Variants in SAMD8 observed in about 807,000 individuals in gnomAD.
SAMD8 encodes sphingomyelin synthase-related protein 1.
A neutral mutation model predicts 42.0 loss-of-function variants in SAMD8; 20 were observed. The observed-to-expected ratio is 0.48, with a 90% CI of 0.34 to 0.69. SAMD8 has a LOEUF of 0.69. Ranked by LOEUF, SAMD8 falls within the 30% of genes least tolerant of loss-of-function variation. The probability of loss-of-function intolerance (pLI) is 0.01; values close to 1 mark genes in which losing one functional copy is unlikely to be tolerated. For synonymous variants in SAMD8, 162 were observed against 173.0 expected, an observed-to-expected ratio of 0.94 and a Z score of 0.50; for missense variants, 328 against 511.6, an observed-to-expected ratio of 0.64 and a Z score of 3.46.
At chr10:75,129,893 CAA>C (rs1355062381) in intron 1 of SAMD8, among the ~76,000 whole-genome samples, 3 of 152,098 alleles carry the variant, frequency 2.0e-5, no homozygotes, top group African/African-American at 7.2e-5. Context: ...TAAAAAGAAA[CAA>C]GAGCTAGGGC....
chr10:75,108,952 C>CCAAG, upstream of SAMD8: 1 of 1,543,690 alleles, frequency 6.5e-7, no homozygotes, highest in Non-Finnish European at 8.8e-7. Flanking sequence ...GGTAAAGCGA[C>CCAAG]CAAGAACTGC....
intron 1 of SAMD8, among the ~76,000 whole-genome samples, chr10:75,128,705 T>A (rs943110145): frequency 6.6e-6 from 1 of 152,296 alleles, no homozygotes; most frequent in African/African-American, 2.4e-5. Context: ...TTGTGGTTAC[T>A]ATGGGTGGTC....
chr10:75,119,632 G>A lies in SAMD8; in HGVS notation c.-16+7910G>A, dbSNP rs193195585. On this transcript the variant is annotated intron_variant, in intron 1 of 5. Transcript: ENST00000542569. The stretch of plus-strand genomic sequence containing the variant: ...TTTCTGCACACACATGCACACACAC[G>A]TGCGCACACGTGAGAAGTGAAACTA... Among the ~76,000 whole-genome samples, 17 of 152,238 alleles carry A rather than the reference G, an allele frequency of 1.1e-4. No individual in the cohort carries two copies. In the East Asian group the frequency reaches 1.5e-3, roughly 14 times the overall value.
intron 1 of SAMD8, among the ~76,000 whole-genome samples, chr10:75,146,314 C>T (rs775317081): frequency 1.9e-5 from 2 of 107,792 alleles, no homozygotes; most frequent in South Asian, 3.2e-4. Context: ...GACAGAGTTT[C>T]GCTCTTGTTG....
At chr10:75,159,687 A>C (rs984416638) in intron 2 of SAMD8, among the ~76,000 whole-genome samples, 1 of 152,032 alleles carries the variant, frequency 6.6e-6, no homozygotes, top group African/African-American at 2.4e-5. Context: ...CTTTGCCCTA[A>C]TTGGGACGAC....
intron 3 of SAMD8, among the ~76,000 whole-genome samples, chr10:75,168,205 C>A (rs1840738593): frequency 6.6e-6 from 1 of 152,060 alleles, no homozygotes; most frequent in African/African-American, 2.4e-5. Context: ...CTCTTAGAAT[C>A]TAATTTAGGT....
chr10:75,164,515 T>A, intron 2 of SAMD8, 130 bp from the exon 3 acceptor site: 1 of 1,407,104 alleles, frequency 7.1e-7, no homozygotes, highest in South Asian at 1.7e-5. Flanking sequence ...TCTCCAAATA[T>A]CATTTTCTGT....
intron 1 of SAMD8, among the ~76,000 whole-genome samples, chr10:75,106,153 G>GCT (rs1426062395): frequency 1.4e-5 from 2 of 146,738 alleles, no homozygotes; most frequent in African/African-American, 5.1e-5. Context: ...TGTTGCCCAG[G>GCT]CTGGTCTTGA....
At chr10:75,162,044 A>G (rs1840569584) in intron 2 of SAMD8, among the ~76,000 whole-genome samples, 1 of 152,190 alleles carries the variant, frequency 6.6e-6, no homozygotes, top group Admixed American at 6.6e-5. Context: ...TCTCAAAAAA[A>G]TAAATAAATA....
intron 1 of SAMD8, among the ~76,000 whole-genome samples, chr10:75,114,648 T>C (rs889977486): frequency 6.6e-6 from 1 of 152,240 alleles, no homozygotes; most frequent in Non-Finnish European, 1.5e-5. Context: ...TATTATTGTT[T>C]TATAAGAATG....
At chr10:75,108,215 G>A (rs1373390093), upstream of SAMD8, 2 of 1,593,266 alleles carry the variant, frequency 1.3e-6, no homozygotes, top group Non-Finnish European at 1.7e-6. Flanking sequence ...TGGCCCTGGG[G>A]AGGGCAGGAA....
At chr10:75,117,587 C>A (rs956264962) in intron 1 of SAMD8, among the ~76,000 whole-genome samples, 2 of 152,100 alleles carry the variant, frequency 1.3e-5, no homozygotes, top group East Asian at 3.9e-4. Context: ...CGTGGTGGCA[C>A]GTACCTGTAA....
At position 75,144,351 on chromosome 10, in the gene SAMD8, T is replaced by C. The variant is rs147895503; in HGVS notation, c.-15-6163T>C. On this transcript the variant is annotated intron_variant, in intron 1 of 5. Transcript: ENST00000542569. ...TTATCACCATCCATCTTTAGAACTT[T>C]TAAAAAATCTTCCCAAACTGAAATT... Among the ~76,000 whole-genome samples, 782 of 149,356 alleles carry C rather than the reference T, an allele frequency of 5.2e-3. 30 individuals carry two copies. The highest frequency in any genetic ancestry group is 0.019 in the African/African-American group (746 of 38,762).
chr10:75,134,095 A>G (rs1035872950), intron 1 of SAMD8, among the ~76,000 whole-genome samples: 3 of 152,140 alleles, frequency 2.0e-5, no homozygotes, highest in South Asian at 2.1e-4. Context: ...CAGTAATGGT[A>G]TTGCTGGGAC....
chr10:75,144,903 C>T (rs2134468638), intron 1 of SAMD8, among the ~76,000 whole-genome samples: 1 of 152,326 alleles, frequency 6.6e-6, no homozygotes, highest in Admixed American at 6.5e-5. Flanking sequence ...AAGCAATCCT[C>T]CCACCTCAGC....
chr10:75,102,315 T>A (rs1042629401), intron 1 of SAMD8, among the ~76,000 whole-genome samples: 1 of 152,102 alleles, frequency 6.6e-6, no homozygotes, highest in Non-Finnish European at 1.5e-5. Flanking sequence ...TGGTGGTGGA[T>A]GCCTGTAGTC....
intron 1 of SAMD8, among the ~76,000 whole-genome samples, chr10:75,139,743 G>A (rs1226899710): frequency 6.6e-6 from 1 of 152,138 alleles, no homozygotes; most frequent in Admixed American, 6.5e-5. Context: ...AATTATAAAA[G>A]ATTCAAACCA....
chr10:75,123,248 T>C (rs1849049135), intron 1 of SAMD8, among the ~76,000 whole-genome samples: 1 of 134,926 alleles, frequency 7.4e-6, no homozygotes, highest in Admixed American at 8.3e-5. Flanking sequence ...GAGATGAGGG[T>C]TGTGGGTGGC....
intron 2 of SAMD8, among the ~76,000 whole-genome samples, chr10:75,153,766 T>G (rs1304181072): frequency 1.0e-5 from 1 of 97,070 alleles, no homozygotes. Context: ...AGTAAAGAGG[T>G]TTTTTTTTTT....
Sources: gnomAD v4.1 joint callset for allele counts (sites outside exome capture counted in the v4.1 genomes callset) on GRCh38, gnomAD v4.1.1 for gene constraint, MANE v1.5 for transcripts, NCBI Gene and HGNC (gene_info 2026-07-23, HGNC 2026-07-21) for gene names.